ARHGEF18: variants seen among roughly 807,000 people sequenced by gnomAD.
ARHGEF18 encodes the protein Rho/Rac guanine nucleotide exchange factor 18.
In ARHGEF18, 93 loss-of-function variants were observed where a neutral mutation model predicts 155.7. That is an observed-to-expected ratio of 0.60 (90% confidence interval 0.50 to 0.71). The LOEUF (loss-of-function observed/expected upper bound fraction) is 0.71. Among genes scored for constraint, ARHGEF18 ranks in the 30% least tolerant of loss-of-function variants. The probability of loss-of-function intolerance (pLI) is 0.00; values close to 1 mark genes in which losing one functional copy is unlikely to be tolerated. For missense variants in ARHGEF18, 1,593 were observed against 1,816.1 expected (o/e 0.88, Z 2.23); for synonymous variants, 742 against 753.1 (o/e 0.99, Z 0.24).
At chr19:7,374,103 G>T (rs1268770710) in intron 3 of ARHGEF18, among the ~76,000 whole-genome samples, 1 of 152,010 alleles carries the variant, frequency 6.6e-6, no homozygotes, top group Non-Finnish European at 1.5e-5. Context: ...TATGACAGGA[G>T]GTGGAGCTCA....
chr19:7,446,973 A>G, intron 14 of ARHGEF18, 70 bp from the exon 15 acceptor site: 1 of 1,552,154 alleles, frequency 6.4e-7, no homozygotes, highest in Non-Finnish European at 8.7e-7. Flanking sequence ...GCAGACTCAG[A>G]CGAATTAGAT....
At chr19:7,445,737 A>G (rs1974951665) in intron 14 of ARHGEF18, among the ~76,000 whole-genome samples, 1 of 152,020 alleles carries the variant, frequency 6.6e-6, no homozygotes. Context: ...CTCATGCCTC[A>G]GCCTCCCGAG....
chr19:7,442,783 A>G (rs1460360900), intron 13 of ARHGEF18, among the ~76,000 whole-genome samples: 1 of 152,212 alleles, frequency 6.6e-6, no homozygotes, highest in Non-Finnish European at 1.5e-5. Flanking sequence ...TGGGACGTCT[A>G]AGACCAAGGC....
chr19:7,381,276 G>C (rs1568282041), intron 8 of ARHGEF18, among the ~76,000 whole-genome samples: 1 of 152,136 alleles, frequency 6.6e-6, no homozygotes, highest in East Asian at 1.9e-4. Context: ...AAAGAAACTA[G>C]AAGGCTTAGG....
chr19:7,387,398 C>A (rs946980201), intron 10 of ARHGEF18, among the ~76,000 whole-genome samples: 1 of 151,990 alleles, frequency 6.6e-6, no homozygotes, highest in South Asian at 2.1e-4. Context: ...GTGATCTGCC[C>A]GTCTCGGTCT....
chr19:7,430,870 A>G (rs1355910426), intron 10 of ARHGEF18, among the ~76,000 whole-genome samples: 1 of 152,156 alleles, frequency 6.6e-6, no homozygotes, highest in Non-Finnish European at 1.5e-5. Context: ...TAAATATACC[A>G]ACCATCCTCA....
rs1342117466 is a variant in ARHGEF18, at chr19:7,395,155, G to A, written c.967+11952G>A. Reference sequence around the variant, plus strand: ...TTCCGGCTCCCAGCTGCTAGCTACTGTGGATCTGGGGGGGCCGGACGGAGG... The same window carrying A: ...TTCCGGCTCCCAGCTGCTAGCTACTATGGATCTGGGGGGGCCGGACGGAGG... On this transcript the variant is annotated intron_variant, in intron 10 of 28. Transcript: ENST00000668164. This position sits in a 1 kb window ranked among gnomAD's most constrained non-coding sequence, Gnocchi z 5.0. 4.1e-6 allele frequency: 4 copies of A among 985,680 alleles called. No individual in the cohort carries two copies. In the African/African-American group the frequency reaches 7.0e-5, roughly 17 times the overall value. 61.1% of individuals were successfully genotyped at this position (985,680 alleles called of 1,614,324 possible).
chr19:7,430,853 C>T (rs922300833), intron 10 of ARHGEF18, among the ~76,000 whole-genome samples: 1 of 152,002 alleles, frequency 6.6e-6, no homozygotes, highest in African/African-American at 2.4e-5. Flanking sequence ...CATCCATAGA[C>T]AATAAATAAA....
At chr19:7,382,010 G>A (rs1970769931) in intron 8 of ARHGEF18, among the ~76,000 whole-genome samples, 1 of 152,192 alleles carries the variant, frequency 6.6e-6, no homozygotes, top group Admixed American at 6.5e-5. Flanking sequence ...ATATGTCACT[G>A]ACCTAATATT....
At chr19:7,406,981 C>A (rs560902936) in intron 10 of ARHGEF18, among the ~76,000 whole-genome samples, 1,553 of 146,846 alleles carry the variant, frequency 0.011, 18 homozygotes, top group African/African-American at 0.025. Flanking sequence ...AGGAGAATGG[C>A]ATGAACCCGG....
chr19:7,415,460 C>T (rs1482269529), intron 10 of ARHGEF18, among the ~76,000 whole-genome samples: 2 of 152,052 alleles, frequency 1.3e-5, no homozygotes, highest in East Asian at 1.9e-4. Context: ...CTGCTCCCCA[C>T]GCTGCAGCCA....
At position 7,440,597 on chromosome 19, in the gene ARHGEF18, C is replaced by A; in HGVS notation, c.1106+115C>A. On this transcript the variant is annotated intron_variant, in intron 11 of 28. Transcript: ENST00000668164. The surrounding 1 kb of genome is among the most constrained non-coding windows in gnomAD (Gnocchi z 5.4). ...AGATCTGTGTGAATCCACACGGCAG[C>A]CCCCGTGCTAAGCAGAGAAATTCCC... is the stretch of plus-strand genomic sequence containing the variant. The A allele has an allele frequency of 1.5e-6, 2 of 1,300,758 alleles. No individual in the cohort carries two copies. The highest frequency in any genetic ancestry group is 1.5e-5 in the South Asian group (1 of 67,120). 80.6% of individuals were successfully genotyped at this position (1,300,758 alleles called of 1,614,324 possible). A position where few individuals can be genotyped will look rare whatever the true frequency, so the allele number is the denominator to read the frequency against.
In ARHGEF18 at chr19:7,463,289, C is replaced by T. The variant is rs543109747; in HGVS notation, c.2636-529C>T. 2.6e-5 allele frequency among the ~76,000 whole-genome samples: 4 copies of T among 152,298 alleles called. No individual in the cohort carries two copies. Among genetic ancestry groups the T allele is most frequent in the Admixed American group, 6.5e-5 (1 of 15,294 alleles). On this transcript the variant is annotated intron_variant, in intron 21 of 28. Coordinates refer to ENST00000668164, the MANE Select transcript of ARHGEF18 (RefSeq NM_001367823.1). The surrounding 1 kb of genome is among the most constrained non-coding windows in gnomAD (Gnocchi z 5.2). ...CTCCAGTGGCCATTGTTCTTGGCCC[C>T]CTGGGGACACTCTCATATCCCGCAC...
chr19:7,447,129 G>C lies in ARHGEF18; in HGVS notation c.1698G>C (p.Leu566Phe). Residue 566 changes from leucine (L) to phenylalanine (F), a missense_variant, in exon 15 of 29, where the codon TTG (leucine) becomes TTC (phenylalanine). Coordinates refer to ENST00000668164, the MANE Select transcript of ARHGEF18 (RefSeq NM_001367823.1). ...ATGAAGCTGTTAGTCATTACAAGTTGCTGCTTCAGCAAAACAAGAAATTTC... is the reference window on the plus strand; with the variant it reads ...ATGAAGCTGTTAGTCATTACAAGTTCCTGCTTCAGCAAAACAAGAAATTTC... ...GHNEAVSHYKLLLQQNKKFQN... is the reference protein window; with the variant it reads ...GHNEAVSHYKFLLQQNKKFQN... 1 of 1,613,376 alleles carries C rather than the reference G, an allele frequency of 6.2e-7. No individual in the cohort carries two copies. Among genetic ancestry groups the C allele is most frequent in the South Asian group, 1.1e-5 (1 of 90,920 alleles).
At chr19:7,433,195 G>A (rs1466957531) in intron 10 of ARHGEF18, among the ~76,000 whole-genome samples, 4 of 150,838 alleles carry the variant, frequency 2.7e-5, no homozygotes, top group East Asian at 1.9e-4. Flanking sequence ...GGCCGGGCAC[G>A]GTGGCTCACA....
In ARHGEF18 at chr19:7,422,427, G is replaced by C. The variant is rs4804602; in HGVS notation, c.968-17917G>C. On this transcript the variant is annotated intron_variant, in intron 10 of 28. Coordinates refer to ENST00000668164, the MANE Select transcript of ARHGEF18 (RefSeq NM_001367823.1). Reference sequence around the variant, plus strand: ...ATATGCCATCATTCCCCCTGTTAATGGCTCTGCCCTTGCCCACTGTCCTAT... The same window carrying C: ...ATATGCCATCATTCCCCCTGTTAATCGCTCTGCCCTTGCCCACTGTCCTAT... Among the ~76,000 whole-genome samples the C allele has an allele frequency of 4.1e-5, 6 of 147,808 alleles. No homozygotes were observed. In the South Asian group the frequency reaches 1.3e-3, roughly 31 times the overall value.
chr19:7,464,287 C>T lies in ARHGEF18; in HGVS notation c.2774-273C>T, dbSNP rs530536232. 2.0e-5 allele frequency among the ~76,000 whole-genome samples: 3 copies of T among 152,328 alleles called. No individual in the cohort carries two copies. The East Asian group carries it at 5.8e-4, about 29-fold the overall frequency. On this transcript the variant is annotated intron_variant, in intron 22 of 28. Coordinates refer to ENST00000668164, the MANE Select transcript of ARHGEF18 (RefSeq NM_001367823.1). ...TCCTGACTTCAGGTGATCCGCCCGC[C>T]TCAGCCTCCCAAAGTGCTGAGATTG...
At chr19:7,432,881 C>T (rs769193103) in intron 10 of ARHGEF18, among the ~76,000 whole-genome samples, 7 of 152,228 alleles carry the variant, frequency 4.6e-5, no homozygotes, top group Non-Finnish European at 7.3e-5. Flanking sequence ...ATATCAGGTC[C>T]GGGTACACTG....
Position 7,470,366 on chromosome 19 carries a change from C to A in ARHGEF18, c.*68C>A. The A allele has an allele frequency of 7.5e-7, 1 of 1,334,846 alleles. No homozygotes were observed. Among genetic ancestry groups the A allele is most frequent in the East Asian group, 2.9e-5 (1 of 34,540 alleles). 82.7% of individuals were successfully genotyped at this position (1,334,846 alleles called of 1,614,324 possible). A position where few individuals can be genotyped will look rare whatever the true frequency, so the allele number is the denominator to read the frequency against. On this transcript the variant is annotated 3_prime_UTR_variant, in exon 29 of 29. Transcript: ENST00000668164. The surrounding 1 kb of genome is among the most constrained non-coding windows in gnomAD (Gnocchi z 5.9). ...CACCCTTCCTGCTCTCTGGGGACCC[C>A]CATGGGGTCACCATGCCCACCCAGC... is the stretch of plus-strand genomic sequence containing the variant.
Sources: gnomAD v4.1 joint callset for allele counts (sites outside exome capture counted in the v4.1 genomes callset) on GRCh38, gnomAD v4.1.1 for gene constraint, Gnocchi (gnomAD v3.1) non-coding constraint, MANE v1.5 for transcripts, NCBI Gene and HGNC (gene_info 2026-07-23, HGNC 2026-07-21) for gene names.